Variants in PTPRT observed in about 807,000 individuals in gnomAD.
The protein encoded by PTPRT is receptor-type tyrosine-protein phosphatase T.
A neutral mutation model predicts 176.8 loss-of-function variants in PTPRT; 56 were observed. The observed-to-expected ratio is 0.32, with a 90% CI of 0.26 to 0.40. PTPRT has a LOEUF of 0.40. Among genes scored for constraint, PTPRT ranks in the 10% least tolerant of loss-of-function variants. PTPRT has a pLI of 1.00. For synonymous variants in PTPRT, 783 were observed against 739.0 expected (o/e 1.06, Z -0.96); for missense variants, 1,540 against 1,908.2 (o/e 0.81, Z 3.60).
intron 9 of PTPRT, among the ~76,000 whole-genome samples, chr20:42,401,894 G>C (rs1256286683): frequency 6.6e-6 from 1 of 152,144 alleles, no homozygotes; most frequent in Non-Finnish European, 1.5e-5. Flanking sequence ...TGTAACTGCT[G>C]CTTTGCTGGG....
intron 9 of PTPRT, among the ~76,000 whole-genome samples, chr20:42,435,497 G>T (rs1356168571): frequency 6.6e-6 from 1 of 152,126 alleles, no homozygotes; most frequent in African/African-American, 2.4e-5. Flanking sequence ...TGAGACAGGG[G>T]CCCCTAGCAT....
At chr20:42,694,961 C>T (rs2867494) in intron 6 of PTPRT, among the ~76,000 whole-genome samples, 55,216 of 152,010 alleles carry the variant, frequency 0.36, 11,046 homozygotes, top group African/African-American at 0.54. Context: ...TTCAGAAGAC[C>T]CACTGCAAAG....
intron 16 of PTPRT, among the ~76,000 whole-genome samples, chr20:42,171,826 A>C (rs1489615052): frequency 6.6e-6 from 1 of 152,176 alleles, no homozygotes; most frequent in Non-Finnish European, 1.5e-5. Context: ...CCTGACAAGC[A>C]AATGAGAAAT....
chr20:42,974,828 AC>A (rs1982849452), intron 1 of PTPRT, among the ~76,000 whole-genome samples: 1 of 152,222 alleles, frequency 6.6e-6, no homozygotes, highest in South Asian at 2.1e-4. Flanking sequence ...TTCCAGCACT[AC>A]CCCCAATGGT....
intron 7 of PTPRT, among the ~76,000 whole-genome samples, chr20:42,670,488 A>G (rs2075393773): frequency 6.6e-6 from 1 of 152,208 alleles, no homozygotes; most frequent in Admixed American, 6.5e-5. Context: ...AGCAATTTGA[A>G]TTTATCTTTT....
intron 15 of PTPRT, among the ~76,000 whole-genome samples, chr20:42,230,253 C>T (rs968552051): frequency 4.6e-5 from 7 of 152,204 alleles, no homozygotes; most frequent in African/African-American, 1.4e-4. Context: ...GCCCAGGTCA[C>T]GGTTTTCTGC....
At position 42,661,010 on chromosome 20, in the gene PTPRT, C is replaced by T. The variant is rs184075148; in HGVS notation, c.1153+16856G>A. 3.0e-3 allele frequency among the ~76,000 whole-genome samples: 463 copies of T among 152,198 alleles called. 2 individuals carry two copies. Among genetic ancestry groups the T allele is most frequent in the African/African-American group, 0.011 (443 of 41,530 alleles). On this transcript the variant is annotated intron_variant, in intron 7 of 30. Transcript: ENST00000373187. The stretch of plus-strand genomic sequence containing the variant: ...GGGACTACAGACGCATGCCACCACG[C>T]CCGTCTAATTTTTGCATTTTAGTAG...
chr20:42,106,713 C>T (rs2146266235), intron 24 of PTPRT, 73 bp downstream of exon 24: 7 of 1,558,306 alleles, frequency 4.5e-6, no homozygotes, highest in Non-Finnish European at 6.1e-6. Context: ...CTATGTGTCT[C>T]TCCGTTCTAT....
At chr20:43,048,504 T>A (rs1986923883) in intron 1 of PTPRT, among the ~76,000 whole-genome samples, 1 of 151,950 alleles carries the variant, frequency 6.6e-6, no homozygotes, top group Non-Finnish European at 1.5e-5. Context: ...GGGGCCCACC[T>A]AGAAAGATGT....
chr20:42,075,743 C>A lies in PTPRT; in HGVS notation c.*5136G>T. Reference sequence around the variant, plus strand: ...ATGTACTCTAAGGGGTTCCCACCAGCGACGAGGAAATGTAGATCCTGGTGA... The same window carrying A: ...ATGTACTCTAAGGGGTTCCCACCAGAGACGAGGAAATGTAGATCCTGGTGA... On this transcript the variant is annotated 3_prime_UTR_variant, in exon 31 of 31. Coordinates refer to ENST00000373187, the MANE Select transcript of PTPRT (RefSeq NM_007050.6). 1 of 204,620 alleles carries A rather than the reference C, an allele frequency of 4.9e-6. No homozygotes were observed. The highest frequency in any genetic ancestry group is 1.0e-5 in the Non-Finnish European group (1 of 99,920). The allele number at this position is 204,620 out of a possible 1,614,324, so 12.7% of individuals were successfully genotyped here. A position where few individuals can be genotyped will look rare whatever the true frequency, so the allele number is the denominator to read the frequency against.
intron 18 of PTPRT, among the ~76,000 whole-genome samples, chr20:42,129,613 C>A (rs1988030354): frequency 6.6e-6 from 1 of 152,132 alleles, no homozygotes; most frequent in South Asian, 2.1e-4. Context: ...GAGGAGGGAC[C>A]TTGGTTTGCT....
the PTPRT span, among the ~76,000 whole-genome samples, chr20:42,038,751 G>T: frequency 6.6e-6 from 1 of 152,198 alleles, no homozygotes; most frequent in South Asian, 2.1e-4. Flanking sequence ...GGCTCAGAAG[G>T]TAGCAAGAGA....
At position 43,007,014 on chromosome 20, in the gene PTPRT, A is replaced by G. The variant is rs1043254598; in HGVS notation, c.89-121082T>C. ...ACCTTCATACATCAGCATGAACTGA[A>G]CCCAGGTGAATCTTGCCAGAACAAT... On this transcript the variant is annotated intron_variant, in intron 1 of 30. Transcript: ENST00000373187. 3.1e-4 allele frequency among the ~76,000 whole-genome samples: 47 copies of G among 152,232 alleles called. 1 individual carries two copies. Among genetic ancestry groups the G allele is most frequent in the African/African-American group, 1.0e-3 (43 of 41,464 alleles).
At chr20:42,288,651 A>ATAACT (rs906492534) in intron 12 of PTPRT, among the ~76,000 whole-genome samples, 3 of 152,036 alleles carry the variant, frequency 2.0e-5, no homozygotes, top group Non-Finnish European at 4.4e-5. Flanking sequence ...TTTTCTTAGG[A>ATAACT]TAATGGCTTC....
At chr20:42,141,268 C>T (rs1337375534) in intron 18 of PTPRT, among the ~76,000 whole-genome samples, 3 of 152,218 alleles carry the variant, frequency 2.0e-5, no homozygotes, top group Non-Finnish European at 4.4e-5. Context: ...TAAACTCTGT[C>T]TCTCATACTA....
chr20:42,702,088 C>T (rs147981294), intron 6 of PTPRT, among the ~76,000 whole-genome samples: 2 of 152,282 alleles, frequency 1.3e-5, no homozygotes, highest in East Asian at 3.9e-4. Context: ...TGCTTAACCT[C>T]AAATTTCCCA....
At chr20:42,115,368 A>G (rs1987224725) in intron 21 of PTPRT, 53 bp from the exon 22 acceptor site, 1 of 1,344,758 alleles carries the variant, frequency 7.4e-7, no homozygotes, top group Non-Finnish European at 1.1e-6. Flanking sequence ...AAGGATGCAT[A>G]AGCACATGGC....
intron 1 of PTPRT, among the ~76,000 whole-genome samples, chr20:42,917,276 A>C (rs1195433854): frequency 1.3e-5 from 2 of 152,172 alleles, no homozygotes; most frequent in East Asian, 3.9e-4. Context: ...AGTTGTAGCT[A>C]TGCGGCATTA....
At chr20:42,789,751 T>G (rs1473516670) in intron 3 of PTPRT, among the ~76,000 whole-genome samples, 4 of 152,196 alleles carry the variant, frequency 2.6e-5, no homozygotes, top group Non-Finnish European at 5.9e-5. Context: ...GAAATATGTA[T>G]GGCAAAAATC....
Sources: gnomAD v4.1 joint callset for allele counts (sites outside exome capture counted in the v4.1 genomes callset) on GRCh38, gnomAD v4.1.1 for gene constraint, MANE v1.5 for transcripts, NCBI Gene and HGNC (gene_info 2026-07-23, HGNC 2026-07-21) for gene names.